MBD5: variants seen among roughly 807,000 people sequenced by gnomAD.
MBD5 encodes the protein methyl-CpG-binding domain protein 5.
In MBD5, 13 loss-of-function variants were observed where a neutral mutation model predicts 117.3. The ratio of observed to expected loss-of-function variants is 0.11; its 90% CI spans 0.07 to 0.18. The LOEUF is 0.18. Among genes scored for constraint, MBD5 ranks in the 10% least tolerant of loss-of-function variants. The pLI is 1.00. For synonymous variants in MBD5, 727 were observed against 766.4 expected, an observed-to-expected ratio of 0.95 and a Z score of 0.85; for missense variants, 1,879 against 2,093.8, an observed-to-expected ratio of 0.90 and a Z score of 2.00.
chr2:148,432,253 AT>A (rs1376053378), intron 4 of MBD5, among the ~76,000 whole-genome samples: 14 of 152,114 alleles, frequency 9.2e-5, no homozygotes, highest in African/African-American at 3.4e-4. Flanking sequence ...TTTCTTATAG[AT>A]TCTGGATATT....
At chr2:148,456,558 A>T (rs1243071023) in intron 4 of MBD5, among the ~76,000 whole-genome samples, 1 of 152,128 alleles carries the variant, frequency 6.6e-6, no homozygotes, top group East Asian at 1.9e-4. Context: ...ATATGAATAA[A>T]CACAGACATG....
chr2:148,318,297 G>GT (rs375528289), intron 3 of MBD5, among the ~76,000 whole-genome samples: 416 of 144,092 alleles, frequency 2.9e-3, no homozygotes, highest in African/African-American at 6.9e-3. Context: ...ACTTCTTAAT[G>GT]TTTTTTTTTT....
chr2:148,066,311 C>T (rs956653335), intron 1 of MBD5, among the ~76,000 whole-genome samples: 5 of 152,014 alleles, frequency 3.3e-5, no homozygotes, highest in Admixed American at 6.5e-5. Context: ...GACCCTGTCT[C>T]AGTCAGTCAG....
At chr2:148,075,213 A>G (rs1334319262) in intron 1 of MBD5, among the ~76,000 whole-genome samples, 2 of 152,172 alleles carry the variant, frequency 1.3e-5, no homozygotes, top group Non-Finnish European at 2.9e-5. Flanking sequence ...GCCAAAGATG[A>G]CAGGGCTGTA....
intron 1 of MBD5, among the ~76,000 whole-genome samples, chr2:148,166,539 T>G (rs1489460557): frequency 2.0e-5 from 3 of 152,192 alleles, no homozygotes; most frequent in Admixed American, 6.5e-5. Flanking sequence ...TGCTGGCTGT[T>G]TTGATGCTCT....
intron 2 of MBD5, among the ~76,000 whole-genome samples, chr2:148,214,329 T>C (rs1699500907): frequency 6.6e-6 from 1 of 152,222 alleles, no homozygotes; most frequent in Non-Finnish European, 1.5e-5. Context: ...TTATAGACAC[T>C]GAAATTTGAA....
intron 1 of MBD5, among the ~76,000 whole-genome samples, chr2:148,099,119 G>A (rs192096777): frequency 1.4e-4 from 21 of 152,196 alleles, no homozygotes; most frequent in African/African-American, 5.1e-4. Context: ...CCAGTGGACA[G>A]GAGGAAAACT....
At chr2:148,319,182 A>T (rs1050937269) in intron 3 of MBD5, among the ~76,000 whole-genome samples, 1 of 152,174 alleles carries the variant, frequency 6.6e-6, no homozygotes, top group Non-Finnish European at 1.5e-5. Flanking sequence ...GAGTCAGGTC[A>T]TGTGACATCT....
chr2:148,314,457 A>G (rs935753587), intron 3 of MBD5, among the ~76,000 whole-genome samples: 1 of 142,680 alleles, frequency 7.0e-6, no homozygotes, highest in Admixed American at 7.7e-5. Context: ...GGTTCACTGC[A>G]ACCTCCACCT....
In MBD5 at chr2:148,486,084, A is replaced by C. The variant is rs1574480544; in HGVS notation, c.3753+134A>C. ...TATTTACTGTTATTTCTCAGTCATG[A>C]GTATTGTTAAACATTCCAGTCTTTT... On this transcript the variant is annotated intron_variant, in intron 10 of 13. Coordinates refer to ENST00000642680, the MANE Select transcript of MBD5 (RefSeq NM_001378120.1). 1.8e-5 allele frequency: 15 copies of C among 822,392 alleles called. No individual in the cohort carries two copies. The East Asian group carries it at 3.8e-4, about 21-fold the overall frequency. 50.9% of individuals were successfully genotyped at this position (822,392 alleles called of 1,614,324 possible).
chr2:148,043,452 CAAATAAATAAAT>C (rs137863555), intron 1 of MBD5, among the ~76,000 whole-genome samples: 44 of 142,928 alleles, frequency 3.1e-4, no homozygotes, highest in Middle Eastern at 3.5e-3. Flanking sequence ...GACTCCTTCT[CAAATAAATAAAT>C]AAATAAATAA....
intron 3 of MBD5, among the ~76,000 whole-genome samples, chr2:148,303,556 G>T (rs1376141840): frequency 2.6e-5 from 4 of 151,790 alleles, no homozygotes; most frequent in Non-Finnish European, 5.9e-5. Context: ...TATTTTAACT[G>T]ACAAAAAAAG....
At chr2:148,294,509 T>TTTTTTGTTTTTTTTTTTTTGTTTTG (rs750245317) in intron 3 of MBD5, among the ~76,000 whole-genome samples, 1 of 129,984 alleles carries the variant, frequency 7.7e-6, no homozygotes, top group Non-Finnish European at 1.6e-5. Flanking sequence ...CAGTTTTTTT[T>TTTTTTGTTTTTTTTTTTTTGTTTTG]TTTTTTTTTT....
intron 8 of MBD5, among the ~76,000 whole-genome samples, chr2:148,479,910 A>G (rs1681096409): frequency 6.6e-6 from 1 of 152,030 alleles, no homozygotes; most frequent in African/African-American, 2.4e-5. Flanking sequence ...CTAGCAATAT[A>G]AGAAATGAGC....
chr2:148,402,402 A>G (rs913226039), intron 4 of MBD5, among the ~76,000 whole-genome samples: 2 of 152,120 alleles, frequency 1.3e-5, no homozygotes, highest in Admixed American at 1.3e-4. Flanking sequence ...TGACAATAAA[A>G]CAGCACATAT....
chr2:148,326,690 T>G (rs1433564146), intron 3 of MBD5, among the ~76,000 whole-genome samples: 12 of 151,338 alleles, frequency 7.9e-5, no homozygotes, highest in African/African-American at 2.7e-4. Context: ...ATTTGCTTGG[T>G]AGATCTTCCT....
At chr2:148,137,708 G>A (rs900320181) in intron 1 of MBD5, among the ~76,000 whole-genome samples, 4 of 152,136 alleles carry the variant, frequency 2.6e-5, no homozygotes, top group Admixed American at 2.0e-4. Flanking sequence ...AACATTTATC[G>A]CAACAATGGA....
rs1443602845 is a variant in MBD5 at position 148,327,205 on chromosome 2, T to A, written c.-679-15009T>A. The stretch of plus-strand genomic sequence containing the variant: ...CTTGTAGAGTTTCTGCCGAGAGATC[T>A]GCTGTTAGTCTTATGGGCTTCCCTT... On this transcript the variant is annotated intron_variant, in intron 3 of 13. Transcript: ENST00000642680. Among the ~76,000 whole-genome samples, 4 of 152,152 alleles carry A rather than the reference T, an allele frequency of 2.6e-5. No individual in the cohort carries two copies. The East Asian group carries it at 7.7e-4, about 29-fold the overall frequency.
chr2:148,318,628 T>A (rs1042747420), intron 3 of MBD5, among the ~76,000 whole-genome samples: 1 of 152,190 alleles, frequency 6.6e-6, no homozygotes, highest in African/African-American at 2.4e-5. Flanking sequence ...TTGAGTTAAT[T>A]TTTGTATATG....
Sources: allele counts gnomAD v4.1 joint callset (sites outside exome capture counted in the v4.1 genomes callset), GRCh38; gene constraint gnomAD v4.1.1; transcripts MANE v1.5; gene names NCBI Gene and HGNC (gene_info 2026-07-23, HGNC 2026-07-21).